Variants in PALLD observed in about 807,000 individuals in gnomAD.
The protein encoded by PALLD is palladin.
In PALLD, 61 loss-of-function variants were observed where a neutral mutation model predicts 123.5. The ratio of observed to expected loss-of-function variants is 0.49; its 90% CI spans 0.40 to 0.61. The LOEUF (loss-of-function observed/expected upper bound fraction) is 0.61. Among genes scored for constraint, PALLD ranks in the 20% least tolerant of loss-of-function variants. The pLI, the probability that PALLD is intolerant of heterozygous loss-of-function variation, is 0.00. For synonymous variants in PALLD, 465 were observed against 496.4 expected (o/e 0.94, Z 0.84); for missense variants, 1,273 against 1,377.0 (o/e 0.92, Z 1.20).
At chr4:168,691,642 A>G (rs1255016618) in intron 8 of PALLD, among the ~76,000 whole-genome samples, 1 of 152,186 alleles carries the variant, frequency 6.6e-6, no homozygotes, top group Admixed American at 6.5e-5. Context: ...AGGACAATCT[A>G]CTGCCTATTT....
intron 10 of PALLD, among the ~76,000 whole-genome samples, chr4:168,746,183 G>A (rs7441134): frequency 6.6e-6 from 1 of 151,470 alleles, no homozygotes. Context: ...ATAAAATATA[G>A]ATATGTGAAT....
At chr4:168,662,090 G>T (rs554637626) in intron 2 of PALLD, among the ~76,000 whole-genome samples, 1 of 152,186 alleles carries the variant, frequency 6.6e-6, no homozygotes, top group Admixed American at 6.5e-5. Context: ...TAAAAAATGT[G>T]ATTGAAGTTG....
intron 10 of PALLD, among the ~76,000 whole-genome samples, chr4:168,739,764 C>A (rs1788145669): frequency 6.6e-6 from 1 of 152,180 alleles, no homozygotes. Flanking sequence ...AAGTTGCAGT[C>A]CTCTCCATCA....
chr4:168,875,965 C>A (rs1751690509), intron 10 of PALLD, among the ~76,000 whole-genome samples: 1 of 152,212 alleles, frequency 6.6e-6, no homozygotes, highest in Non-Finnish European at 1.5e-5. Context: ...TTGCTGATGC[C>A]AGGCCAAGCC....
intron 10 of PALLD, 57 bp downstream of exon 10, chr4:168,711,980 C>A: frequency 6.7e-7 from 1 of 1,494,288 alleles, no homozygotes; most frequent in South Asian, 1.2e-5. Flanking sequence ...CATTTCCTGT[C>A]TGGTGAGAAA....
intron 10 of PALLD, among the ~76,000 whole-genome samples, chr4:168,852,546 C>T (rs1747957655): frequency 1.3e-5 from 2 of 152,124 alleles, no homozygotes; most frequent in Non-Finnish European, 2.9e-5. Context: ...GAGGCTGAGG[C>T]AGGAGGATTG....
intron 4 of PALLD, 69 bp from the exon 5 acceptor site, chr4:168,682,929 T>TAA (rs148598962): frequency 4.1e-3 from 2,980 of 728,434 alleles, no homozygotes; most frequent in South Asian, 8.9e-3. Flanking sequence ...TTATTTCTGC[T>TAA]AAAAAAAAAA....
intron 2 of PALLD, among the ~76,000 whole-genome samples, chr4:168,570,264 T>G (rs1231181154): frequency 6.6e-6 from 1 of 152,216 alleles, no homozygotes; most frequent in Non-Finnish European, 1.5e-5. Context: ...ACTGTCTTTG[T>G]AAATGCTGAA....
At chr4:168,920,114 C>T (rs1001241527) in intron 17 of PALLD, among the ~76,000 whole-genome samples, 13 of 152,152 alleles carry the variant, frequency 8.5e-5, no homozygotes, top group African/African-American at 3.1e-4. Flanking sequence ...AGGAGCCTGA[C>T]CAAAGATGTC....
At chr4:168,616,838 T>C (rs1395698099) in intron 2 of PALLD, among the ~76,000 whole-genome samples, 3 of 152,202 alleles carry the variant, frequency 2.0e-5, no homozygotes, top group African/African-American at 7.2e-5. Context: ...GATTCTAGAA[T>C]GGAGACTGGC....
intron 10 of PALLD, among the ~76,000 whole-genome samples, chr4:168,876,466 C>G (rs1473541194): frequency 6.6e-6 from 1 of 152,190 alleles, no homozygotes; most frequent in Non-Finnish European, 1.5e-5. Flanking sequence ...ATATTAAGAA[C>G]ATAGAACCAT....
chr4:168,665,074 G>T (rs1213150859), intron 2 of PALLD, among the ~76,000 whole-genome samples: 1 of 152,144 alleles, frequency 6.6e-6, no homozygotes, highest in Non-Finnish European at 1.5e-5. Flanking sequence ...AAATGATGTA[G>T]AAAATTCTTT....
chr4:168,864,151 T>C (rs932446873), intron 10 of PALLD, among the ~76,000 whole-genome samples: 2 of 152,212 alleles, frequency 1.3e-5, no homozygotes, highest in Non-Finnish European at 2.9e-5. Context: ...GATGAGACTG[T>C]GTTACTCAGA....
At chr4:168,771,889 A>T (rs901855387) in intron 10 of PALLD, among the ~76,000 whole-genome samples, 1 of 152,214 alleles carries the variant, frequency 6.6e-6, no homozygotes, top group Non-Finnish European at 1.5e-5. Context: ...TCAGCTTGCT[A>T]ATCAAGAGAG....
intron 2 of PALLD, among the ~76,000 whole-genome samples, chr4:168,639,367 A>G (rs1364181846): frequency 1.3e-5 from 2 of 152,198 alleles, no homozygotes; most frequent in African/African-American, 4.8e-5. Flanking sequence ...TAAACTGGGC[A>G]TGTTATTGTA....
chr4:168,511,768 A>C lies in PALLD; in HGVS notation c.264A>C (p.Glu88Asp), dbSNP rs202095635. Residue 88 changes from glutamate to aspartate, a missense_variant, in exon 2 of 22, where the codon GAA (glutamate) becomes GAC (aspartate). Transcript: ENST00000505667. ...HPSHKETKLG[E>D]HASRRPQDNR... ...CCCATAAGGAGACCAAATTGGGTGA[A>C]CACGCCTCGAGGAGACCTCAGGATA... The C allele has an allele frequency of 4.7e-5, 76 of 1,614,062 alleles. No homozygotes were observed. Among genetic ancestry groups the C allele is most frequent in the Non-Finnish European group, 7.6e-6 (9 of 1,180,048 alleles).
chr4:168,525,034 T>G (rs1050736742), intron 2 of PALLD, among the ~76,000 whole-genome samples: 3 of 152,174 alleles, frequency 2.0e-5, no homozygotes, highest in Admixed American at 6.5e-5. Context: ...TAATCCGTTA[T>G]AGTACCATTT....
At chr4:168,774,924 T>C (rs1554080735) in intron 10 of PALLD, among the ~76,000 whole-genome samples, 2 of 152,140 alleles carry the variant, frequency 1.3e-5, no homozygotes, top group African/African-American at 2.4e-5. Flanking sequence ...TTTTGTTTGA[T>C]TTCTTCCACT....
chr4:168,836,658 C>T (rs532081239), intron 10 of PALLD, among the ~76,000 whole-genome samples: 22 of 152,274 alleles, frequency 1.4e-4, no homozygotes, highest in Admixed American at 1.1e-3. Flanking sequence ...TGGAGCGCCA[C>T]GCAGGAGACT....
Sources: allele counts gnomAD v4.1 joint callset (sites outside exome capture counted in the v4.1 genomes callset), GRCh38; gene constraint gnomAD v4.1.1; transcripts MANE v1.5; gene names NCBI Gene and HGNC (gene_info 2026-07-23, HGNC 2026-07-21).